Variants in RUFY1 observed in about 807,000 individuals in gnomAD.
RUFY1 encodes RUN and FYVE domain-containing protein 1.
Under a neutral mutation model 94.6 loss-of-function variants are expected in RUFY1, and 54 were observed. That is an observed-to-expected ratio of 0.57 (90% CI 0.46 to 0.72). The LOEUF is 0.72. Ranked by LOEUF, RUFY1 falls within the 30% of genes least tolerant of loss-of-function variation. The pLI, the probability that RUFY1 is intolerant of heterozygous loss-of-function variation, is 0.00. For synonymous variants in RUFY1, 396 were observed against 347.3 expected (o/e 1.14, Z -1.56); for missense variants, 883 against 883.9 (o/e 1.00, Z 0.01).
chr5:179,594,293 C>T (rs956834080), intron 11 of RUFY1, among the ~76,000 whole-genome samples: 1 of 147,648 alleles, frequency 6.8e-6, no homozygotes, highest in Admixed American at 6.8e-5. Flanking sequence ...GAGCGCAACT[C>T]CAACTCGGGG....
At chr5:179,574,466 T>C (rs967089723) in intron 5 of RUFY1, among the ~76,000 whole-genome samples, 1 of 152,174 alleles carries the variant, frequency 6.6e-6, no homozygotes. Context: ...CCGCAGCTTA[T>C]TAGATCAGGA....
chr5:179,554,968 A>G (rs1762037840), intron 1 of RUFY1, among the ~76,000 whole-genome samples: 2 of 148,280 alleles, frequency 1.3e-5, no homozygotes, highest in South Asian at 2.1e-4. Flanking sequence ...TTCTGTCTCA[A>G]AAAAAAAAAA....
Position 179,569,284 on chromosome 5 carries a change from C to T in RUFY1, c.705-18C>T. ...AAGCTGTTTCTGAGCATCGCCCTGTCCTGTCCATCTCTTTCAGCGAGTTCT... is the reference window on the plus strand; with the variant it reads ...AAGCTGTTTCTGAGCATCGCCCTGTTCTGTCCATCTCTTTCAGCGAGTTCT... On this transcript the variant is annotated intron_variant, in intron 4 of 17. Coordinates refer to ENST00000319449, the MANE Select transcript of RUFY1 (RefSeq NM_025158.5). The T allele has an allele frequency of 1.2e-6, 2 of 1,613,762 alleles. No individual in the cohort carries two copies. The highest frequency in any genetic ancestry group is 1.7e-6 in the Non-Finnish European group (2 of 1,179,934).
chr5:179,580,030 A>C (rs1763993968), intron 6 of RUFY1, among the ~76,000 whole-genome samples: 1 of 152,034 alleles, frequency 6.6e-6, no homozygotes, highest in South Asian at 2.1e-4. Flanking sequence ...GTCAGGAAAT[A>C]ATTGAATTAA....
At chr5:179,609,093 C>T (rs1310543813) in intron 17 of RUFY1, among the ~76,000 whole-genome samples, 1 of 150,100 alleles carries the variant, frequency 6.7e-6, no homozygotes, top group Non-Finnish European at 1.5e-5. Context: ...GTGGCGGGCA[C>T]CTGTAGACCC....
At chr5:179,588,047 T>C (rs926200982) in intron 8 of RUFY1, among the ~76,000 whole-genome samples, 7 of 152,020 alleles carry the variant, frequency 4.6e-5, no homozygotes, top group Admixed American at 6.6e-5. Context: ...CTCTTCAGGG[T>C]GTGCTCTCTG....
At chr5:179,585,996 C>A (rs940313256) in intron 8 of RUFY1, 131 bp downstream of exon 8, 52 of 704,096 alleles carry the variant, frequency 7.4e-5, no homozygotes, top group Admixed American at 1.8e-4. Context: ...AGCTACCCCA[C>A]GTGGGACAGG....
chr5:179,551,679 C>A (rs1554113109), intron 1 of RUFY1, among the ~76,000 whole-genome samples: 1 of 137,834 alleles, frequency 7.3e-6, no homozygotes, highest in Non-Finnish European at 1.6e-5. Flanking sequence ...CGCCCCCACC[C>A]CCCTCCCATA....
At chr5:179,599,050 AG>A (rs1766008898) in intron 14 of RUFY1, among the ~76,000 whole-genome samples, 1 of 152,246 alleles carries the variant, frequency 6.6e-6, no homozygotes, top group East Asian at 1.9e-4. Context: ...AAGAGAATAA[AG>A]CAGAACAGTG....
chr5:179,554,021 G>A (rs1761986853), intron 1 of RUFY1, among the ~76,000 whole-genome samples: 1 of 152,118 alleles, frequency 6.6e-6, no homozygotes, highest in African/African-American at 2.4e-5. Context: ...AAAACAGGAT[G>A]GGAGAAAGAC....
chr5:179,603,996 G>A (rs1329220828), intron 15 of RUFY1, among the ~76,000 whole-genome samples: 1 of 152,248 alleles, frequency 6.6e-6, no homozygotes, highest in Non-Finnish European at 1.5e-5. Context: ...GGCGGAGGTT[G>A]CGGTGAGCCG....
chr5:179,582,249 A>C (rs1764220885), intron 7 of RUFY1, among the ~76,000 whole-genome samples: 1 of 151,844 alleles, frequency 6.6e-6, no homozygotes, highest in African/African-American at 2.4e-5. Flanking sequence ...TTTTGAGACA[A>C]GGTCTTACTC....
rs1407604274 is a variant in RUFY1 at position 179,580,254 on chromosome 5, T to A, written c.891-693T>A. Among the ~76,000 whole-genome samples, 75 of 148,432 alleles carry A rather than the reference T, an allele frequency of 5.1e-4. 1 individual carries two copies. The highest frequency in any genetic ancestry group is 8.7e-4 in the Admixed American group (13 of 14,862). The stretch of plus-strand genomic sequence containing the variant: ...GTGTGTGTGTGTGTATATTTTTTTT[T>A]TTTTTTGAGACGGAGTCTCGCTCTG... On this transcript the variant is annotated intron_variant, in intron 6 of 17. Coordinates refer to ENST00000319449, the MANE Select transcript of RUFY1 (RefSeq NM_025158.5).
chr5:179,555,548 C>A, intron 1 of RUFY1: 1 of 325,606 alleles, frequency 3.1e-6, no homozygotes, highest in Non-Finnish European at 6.1e-6. Flanking sequence ...GAGACAGCAC[C>A]ACCCAGCGCT....
intron 6 of RUFY1, among the ~76,000 whole-genome samples, chr5:179,579,657 C>CTTTTTTTTTTTTTGTTTT (rs1763947706): frequency 2.0e-5 from 1 of 50,548 alleles, no homozygotes; most frequent in Non-Finnish European, 3.8e-5. Context: ...TTTTCTTCTT[C>CTTTTTTTTTTTTTGTTTT]TTTTTTTTTT....
intron 1 of RUFY1, among the ~76,000 whole-genome samples, chr5:179,551,894 G>T (rs570172914): frequency 6.6e-6 from 1 of 151,518 alleles, no homozygotes; most frequent in Non-Finnish European, 1.5e-5. Flanking sequence ...GGCCGGGAGC[G>T]GTGGCTCACG....
intron 12 of RUFY1, 146 bp from the exon 13 acceptor site, chr5:179,596,416 G>A: frequency 9.9e-7 from 1 of 1,007,478 alleles, no homozygotes; most frequent in Non-Finnish European, 1.5e-6. Flanking sequence ...TATTCTGATT[G>A]TGGTGGAGCT....
At chr5:179,607,950 T>C (rs1767283927) in intron 17 of RUFY1, among the ~76,000 whole-genome samples, 1 of 152,192 alleles carries the variant, frequency 6.6e-6, no homozygotes, top group Non-Finnish European at 1.5e-5. Flanking sequence ...GCAGAGCTGC[T>C]CTAGGGGAGT....
At chr5:179,589,370 C>T in intron 8 of RUFY1, 176 bp from the exon 9 acceptor site, 6 of 572,256 alleles carry the variant, frequency 1.0e-5, no homozygotes, top group South Asian at 2.0e-5. Context: ...TTACTACATA[C>T]ATTTTCATGT....
Sources: gnomAD v4.1 joint callset for allele counts (sites outside exome capture counted in the v4.1 genomes callset) on GRCh38, gnomAD v4.1.1 for gene constraint, MANE v1.5 for transcripts, NCBI Gene and HGNC (gene_info 2026-07-23, HGNC 2026-07-21) for gene names.